NEDD4L: variants seen among roughly 807,000 people sequenced by gnomAD.
NEDD4L encodes NEDD4 like E3 ubiquitin protein ligase.
In NEDD4L, 54 loss-of-function variants were observed where a neutral mutation model predicts 148.9. That is an observed-to-expected ratio of 0.36 (90% confidence interval 0.29 to 0.45). The LOEUF (loss-of-function observed/expected upper bound fraction) is 0.45. Among genes scored for constraint, NEDD4L ranks in the 20% least tolerant of loss-of-function variants. The probability of loss-of-function intolerance (pLI) is 1.00; values close to 1 mark genes in which losing one functional copy is unlikely to be tolerated. For missense variants in NEDD4L, 856 were observed against 1,233.8 expected (o/e 0.69, Z 4.59); for synonymous variants, 433 against 440.7 (o/e 0.98, Z 0.22).
chr18:58,367,416 A>G (rs146226886), intron 21 of NEDD4L, among the ~76,000 whole-genome samples: 79 of 152,312 alleles, frequency 5.2e-4, no homozygotes, highest in South Asian at 2.3e-3. Flanking sequence ...ATCTTTGGGA[A>G]TCCCTGCACA....
rs569628375 is a variant in NEDD4L, at chr18:58,255,941, G to C, written c.297+3887G>C. ...GATCTCCCTGCAGCGCAAGGCCACG[G>C]ACGGGGCCACGGACGGGTGCGGGCC... On this transcript the variant is annotated intron_variant, in intron 5 of 30. Coordinates refer to ENST00000400345, the MANE Select transcript of NEDD4L (RefSeq NM_001144967.3). The C allele has an allele frequency of 6.3e-5, 77 of 1,231,222 alleles. No individual in the cohort carries two copies. The South Asian group carries it at 9.9e-4, about 16-fold the overall frequency. 76.3% of individuals were successfully genotyped at this position (1,231,222 alleles called of 1,614,324 possible). A position where few individuals can be genotyped will look rare whatever the true frequency, so the allele number is the denominator to read the frequency against.
intron 26 of NEDD4L, 48 bp downstream of exon 26, chr18:58,385,634 G>T: frequency 1.4e-6 from 2 of 1,450,736 alleles, no homozygotes; most frequent in Non-Finnish European, 1.9e-6. Flanking sequence ...CTGGTCCCGG[G>T]TCGATGGGGG....
intron 5 of NEDD4L, among the ~76,000 whole-genome samples, chr18:58,313,567 C>T (rs2057934786): frequency 6.6e-6 from 1 of 152,230 alleles, no homozygotes; most frequent in African/African-American, 2.4e-5. Context: ...ACATATGGCA[C>T]ACAGTGTCAG....
chr18:58,381,806 G>A (rs2048378789), intron 24 of NEDD4L, among the ~76,000 whole-genome samples: 1 of 152,166 alleles, frequency 6.6e-6, no homozygotes, highest in South Asian at 2.1e-4. Context: ...CGAACTGGCA[G>A]AGTTTCACTG....
chr18:58,244,446 C>T (rs2047004676), intron 2 of NEDD4L, among the ~76,000 whole-genome samples: 1 of 152,176 alleles, frequency 6.6e-6, no homozygotes, highest in Non-Finnish European at 1.5e-5. Context: ...CTAGACTTAA[C>T]CTCTTAGTAG....
intron 1 of NEDD4L, among the ~76,000 whole-genome samples, chr18:58,154,727 G>A (rs910629979): frequency 2.6e-5 from 4 of 152,218 alleles, no homozygotes; most frequent in Admixed American, 6.5e-5. Flanking sequence ...GGCGGAGGTT[G>A]TAGTGATCCA....
intron 13 of NEDD4L, among the ~76,000 whole-genome samples, chr18:58,338,020 G>A (rs1423366754): frequency 6.6e-6 from 1 of 152,176 alleles, no homozygotes; most frequent in African/African-American, 2.4e-5. Context: ...CTGGGTTGGT[G>A]CAAGTCTTGG....
chr18:58,142,920 C>T (rs1040663040), intron 1 of NEDD4L, among the ~76,000 whole-genome samples: 1 of 152,044 alleles, frequency 6.6e-6, no homozygotes, highest in African/African-American at 2.4e-5. Flanking sequence ...TATCTGGACG[C>T]TGGCAGGGTC....
At chr18:58,165,684 C>G in intron 1 of NEDD4L, 104 bp from the exon 2 acceptor site, 1 of 1,512,810 alleles carries the variant, frequency 6.6e-7, no homozygotes, top group Non-Finnish European at 9.0e-7. Flanking sequence ...TGTTCTGTAT[C>G]CCAATACTGG....
intron 2 of NEDD4L, among the ~76,000 whole-genome samples, chr18:58,202,960 C>T (rs1214377701): frequency 6.6e-6 from 1 of 151,726 alleles, no homozygotes; most frequent in Non-Finnish European, 1.5e-5. Context: ...TAATATTGGG[C>T]CTCAGTACAT....
chr18:58,127,211 TAGAA>T (rs1386785812), intron 1 of NEDD4L, among the ~76,000 whole-genome samples: 1 of 152,092 alleles, frequency 6.6e-6, no homozygotes, highest in African/African-American at 2.4e-5. Flanking sequence ...ATAAAACAAA[TAGAA>T]AGGTCCTCCG....
intron 5 of NEDD4L, among the ~76,000 whole-genome samples, chr18:58,268,308 C>T (rs1395872056): frequency 6.6e-6 from 1 of 151,676 alleles, no homozygotes; most frequent in Non-Finnish European, 1.5e-5. Context: ...TAGCAGCCCT[C>T]ACAGAGAAGG....
intron 5 of NEDD4L, among the ~76,000 whole-genome samples, chr18:58,257,258 A>G (rs1368753148): frequency 6.6e-6 from 1 of 152,078 alleles, no homozygotes; most frequent in East Asian, 1.9e-4. Context: ...AAATAGGTGA[A>G]CGTAAAGTTT....
intron 5 of NEDD4L, among the ~76,000 whole-genome samples, chr18:58,267,772 T>A (rs1207261561): frequency 1.3e-5 from 2 of 152,158 alleles, no homozygotes; most frequent in Non-Finnish European, 2.9e-5. Context: ...AGTCTGCTTC[T>A]GATTTGCAGA....
chr18:58,129,039 G>A (rs1345420741), intron 1 of NEDD4L, among the ~76,000 whole-genome samples: 5 of 152,214 alleles, frequency 3.3e-5, no homozygotes. Context: ...TTTTCAAAAT[G>A]GAAATCCAGA....
chr18:58,196,168 G>A (rs974919281), intron 2 of NEDD4L, among the ~76,000 whole-genome samples: 3 of 152,142 alleles, frequency 2.0e-5, no homozygotes, highest in Admixed American at 6.5e-5. Context: ...AAAACCTCAG[G>A]TGAAGCGAGG....
intron 2 of NEDD4L, among the ~76,000 whole-genome samples, chr18:58,216,696 T>A (rs557157463): frequency 6.6e-5 from 10 of 152,212 alleles, no homozygotes; most frequent in African/African-American, 2.4e-4. Flanking sequence ...AGAGGTGGAA[T>A]CACTGCTCCT....
intron 8 of NEDD4L, among the ~76,000 whole-genome samples, chr18:58,324,687 T>A (rs1036669042): frequency 6.6e-6 from 1 of 151,966 alleles, no homozygotes; most frequent in Non-Finnish European, 1.5e-5. Context: ...ATGGAAAGAG[T>A]ATGATGTGAC....
intron 18 of NEDD4L, among the ~76,000 whole-genome samples, chr18:58,355,077 T>C (rs768449478): frequency 1.1e-4 from 16 of 151,984 alleles, no homozygotes; most frequent in South Asian, 2.1e-4. Flanking sequence ...AGTGGGGAGC[T>C]CCCAGGGGAT....
Sources: gnomAD v4.1 joint callset for allele counts (sites outside exome capture counted in the v4.1 genomes callset) on GRCh38, gnomAD v4.1.1 for gene constraint, MANE v1.5 for transcripts, NCBI Gene and HGNC (gene_info 2026-07-23, HGNC 2026-07-21) for gene names.